CR1: variants seen among roughly 807,000 people sequenced by gnomAD.
CR1 encodes complement receptor type 1.
A neutral mutation model predicts 187.3 loss-of-function variants in CR1; 116 were observed. The ratio of observed to expected loss-of-function variants is 0.62; its 90% CI spans 0.53 to 0.72. CR1 has a LOEUF of 0.72. Ranked by LOEUF, CR1 falls within the 30% of genes least tolerant of loss-of-function variation. CR1 has a pLI of 0.00. For synonymous variants in CR1, 576 were observed against 747.1 expected, an observed-to-expected ratio of 0.77 and a Z score of 3.73; for missense variants, 1,731 against 2,110.7, an observed-to-expected ratio of 0.82 and a Z score of 3.52.
chr1:207,609,433 C>T lies in CR1; in HGVS notation c.6040C>T (p.Arg2014Trp), dbSNP rs370698774. 4.5e-5 allele frequency: 72 copies of T among 1,613,924 alleles called. No individual in the cohort carries two copies. The highest frequency in any genetic ancestry group is 1.6e-4 in the East Asian group (7 of 44,878). ...ACAGCTGTTTGAGCTTGTGGGAGAA[C>T]GGTCAATATATTGCACCAGCAAAGA... ...GEQLFELVGE[R>W]SIYCTSKDDQ... Residue 2014 changes from arginine to tryptophan, a missense_variant, in exon 37 of 47, where the codon CGG becomes TGG. Transcript: ENST00000367049.
chr1:207,580,633 C>T lies in CR1; in HGVS notation c.5216+20C>T, dbSNP rs749221330. The T allele has an allele frequency of 1.3e-6, 2 of 1,599,706 alleles. No individual in the cohort carries two copies. Among genetic ancestry groups the T allele is most frequent in the Non-Finnish European group, 1.7e-6 (2 of 1,168,618 alleles). On this transcript the variant is annotated intron_variant, in intron 31 of 46. Transcript: ENST00000367049. ...TGAAGGGTAAGTGTGACCCAGAATT[C>T]AGATCAGGGACTCAGCACTGCAGAG... is the stretch of plus-strand genomic sequence containing the variant.
At position 207,510,738 on chromosome 1, in the gene CR1, C is replaced by T. The variant is rs139795597; in HGVS notation, c.402-831C>T. 1.6e-3 allele frequency among the ~76,000 whole-genome samples: 235 copies of T among 149,534 alleles called. 1 individual carries two copies. The highest frequency in any genetic ancestry group is 4.6e-3 in the African/African-American group (182 of 39,746). On this transcript the variant is annotated intron_variant, in intron 3 of 46. Transcript: ENST00000367049. ...AGTTATGTATCCCCTTCCTTCCTTC[C>T]TTCCTTCTTTCCTTCCTTCCTTCCT...
At chr1:207,523,498 A>C in intron 4 of CR1, 113 bp from the exon 5 acceptor site, 6 of 1,524,374 alleles carry the variant, frequency 3.9e-6, no homozygotes, top group Non-Finnish European at 5.3e-6. Context: ...TGTGTTAGCA[A>C]AGATTAAAAG....
intron 4 of CR1, among the ~76,000 whole-genome samples, chr1:207,512,197 A>G (rs896190206): frequency 6.6e-6 from 1 of 152,248 alleles, no homozygotes; most frequent in African/African-American, 2.4e-5. Flanking sequence ...TATTTATATT[A>G]GTTAAAATGT....
rs372642421 is a variant in CR1, at chr1:207,589,976, C to T, written c.5810+1202C>T. Among the ~76,000 whole-genome samples, 557 of 152,196 alleles carry T rather than the reference C, an allele frequency of 3.7e-3. 5 individuals are homozygous for T. Among genetic ancestry groups the T allele is most frequent in the African/African-American group, 0.013 (541 of 41,480 alleles). ...GGACTATGTGAAAAGACCAAACCTA[C>T]GTTTGATTGGTGTACCTGAAAGTGA... On this transcript the variant is annotated intron_variant, in intron 35 of 46. Transcript: ENST00000367049.
At position 207,635,272 on chromosome 1, in the gene CR1, C is replaced by A. The variant is rs567819542; in HGVS notation, c.7458-4125C>A. Among the ~76,000 whole-genome samples, 22 of 151,938 alleles carry A rather than the reference C, an allele frequency of 1.4e-4. No individual in the cohort carries two copies. The South Asian group carries it at 4.6e-3, about 32-fold the overall frequency. On this transcript the variant is annotated intron_variant, in intron 46 of 46. Transcript: ENST00000367049. ...CGGAGGATCCACCGGCCTCTGAGTT[C>A]CCTTAGTATTTATTGATCATTAATG...
chr1:207,617,602 TATATATATATAGAGAG>T (rs1356597176), intron 41 of CR1, among the ~76,000 whole-genome samples: 83 of 30,124 alleles, frequency 2.8e-3, no homozygotes, highest in African/African-American at 6.2e-3. Context: ...TATATATATA[TATATATATATAGAGAG>T]AGAGAGAGAG....
chr1:207,524,053 G>A (rs141533624), intron 5 of CR1, 44 bp downstream of exon 5: 45 of 1,611,714 alleles, frequency 2.8e-5, no homozygotes, highest in Admixed American at 2.3e-4. Flanking sequence ...AGTGACATGC[G>A]TTGCTGTTGG....
At chr1:207,595,013 G>T (rs533737256) in intron 35 of CR1, among the ~76,000 whole-genome samples, 5 of 151,950 alleles carry the variant, frequency 3.3e-5, no homozygotes, top group African/African-American at 1.2e-4. Context: ...ACATAGAATC[G>T]ATGGAACTAT....
chr1:207,498,546 A>C (rs1659159957), intron 1 of CR1, among the ~76,000 whole-genome samples: 1 of 152,196 alleles, frequency 6.6e-6, no homozygotes, highest in East Asian at 1.9e-4. Flanking sequence ...ATATGTTAAT[A>C]AGTAAGAGAG....
At chr1:207,582,625 G>A (rs1660992687) in intron 32 of CR1, among the ~76,000 whole-genome samples, 1 of 152,220 alleles carries the variant, frequency 6.6e-6, no homozygotes, top group Non-Finnish European at 1.5e-5. Context: ...AAACCTCTGG[G>A]TGTAGCTGAG....
intron 35 of CR1, among the ~76,000 whole-genome samples, chr1:207,606,823 G>C (rs1183926702): frequency 6.6e-6 from 1 of 152,064 alleles, no homozygotes; most frequent in Non-Finnish European, 1.5e-5. Context: ...TTTTATACAA[G>C]AGACTATCTG....
intron 45 of CR1, among the ~76,000 whole-genome samples, chr1:207,625,952 T>C (rs1662468161): frequency 6.6e-6 from 1 of 152,240 alleles, no homozygotes; most frequent in East Asian, 1.9e-4. Context: ...TGCCTATATT[T>C]TAGCAGAGTT....
At chr1:207,592,680 G>A (rs1365293273) in intron 35 of CR1, among the ~76,000 whole-genome samples, 1 of 152,172 alleles carries the variant, frequency 6.6e-6, no homozygotes, top group East Asian at 1.9e-4. Flanking sequence ...TGACATGACT[G>A]TATATTTAGA....
chr1:207,612,538 C>A (rs1007331461), intron 39 of CR1, among the ~76,000 whole-genome samples: 3 of 152,230 alleles, frequency 2.0e-5, no homozygotes, highest in Admixed American at 6.5e-5. Flanking sequence ...TCTTTTAATG[C>A]AGGATTTTTC....
At chr1:207,524,077 T>G in intron 5 of CR1, 68 bp downstream of exon 5, 1 of 1,611,522 alleles carries the variant, frequency 6.2e-7, no homozygotes. Flanking sequence ...AGGAGATTAG[T>G]ATTTGTTCAG....
chr1:207,522,481 C>T (rs1295900476), intron 4 of CR1, among the ~76,000 whole-genome samples: 1 of 152,192 alleles, frequency 6.6e-6, no homozygotes, highest in Non-Finnish European at 1.5e-5. Flanking sequence ...TGTTCAGCCT[C>T]TCAGTTGCCC....
intron 1 of CR1, among the ~76,000 whole-genome samples, chr1:207,496,673 A>T (rs1280194261): frequency 6.6e-6 from 1 of 152,174 alleles, no homozygotes; most frequent in African/African-American, 2.4e-5. Context: ...GCCGCACGAA[A>T]TTCCTTGCCT....
intron 35 of CR1, among the ~76,000 whole-genome samples, chr1:207,601,086 G>A (rs888198431): frequency 2.6e-5 from 4 of 151,864 alleles, no homozygotes; most frequent in African/African-American, 9.7e-5. Context: ...AATTAATAAA[G>A]TAATGAACAA....
Sources: gnomAD v4.1 joint callset for allele counts (sites outside exome capture counted in the v4.1 genomes callset) on GRCh38, gnomAD v4.1.1 for gene constraint, MANE v1.5 for transcripts, NCBI Gene and HGNC (gene_info 2026-07-23, HGNC 2026-07-21) for gene names.